The following GPC5 variants were observed in gnomAD, a reference collection of about 807,000 sequenced individuals.
The protein encoded by GPC5 is glypican 5.
In GPC5, 47 loss-of-function variants were observed where a neutral mutation model predicts 53.9. The observed-to-expected ratio is 0.87, with a 90% confidence interval of 0.69 to 1.11. The LOEUF (loss-of-function observed/expected upper bound fraction) is 1.11, where lower values mean the gene tolerates loss of function less well. Among genes scored for constraint, GPC5 ranks in the 50% most tolerant of loss-of-function variants. The pLI, the probability that GPC5 is intolerant of heterozygous loss-of-function variation, is 0.00. For synonymous variants in GPC5, 286 were observed against 263.3 expected, an observed-to-expected ratio of 1.09 and a Z score of -0.84; for missense variants, 748 against 713.1, an observed-to-expected ratio of 1.05 and a Z score of -0.56.
chr13:91,413,488 A>G (rs1877962488), intron 1 of GPC5, among the ~76,000 whole-genome samples: 1 of 152,270 alleles, frequency 6.6e-6, no homozygotes, highest in South Asian at 2.1e-4. Flanking sequence ...GTGAAAATAT[A>G]TACTTTACAA....
In GPC5 at chr13:92,125,924, G is replaced by GTTTTTTT. The variant is rs1190169532; in HGVS notation, c.1402-18863_1402-18857dup. Among the ~76,000 whole-genome samples the GTTTTTTT allele has an allele frequency of 2.6e-4, 20 of 75,860 alleles. 2 individuals are homozygous for GTTTTTTT. The highest frequency in any genetic ancestry group is 1.0e-3 in the African/African-American group (19 of 18,990). 49.8% of individuals were successfully genotyped at this position (75,860 alleles called of 152,430 possible). ...TTAGAAAGGAAACATTTGTTTTTTG[G>GTTTTTTT]TTTTTTTTTTTTTTTTTTTTTTTTT... On this transcript the variant is annotated intron_variant, in intron 6 of 7. Coordinates refer to ENST00000377067, the MANE Select transcript of GPC5 (RefSeq NM_004466.6).
At chr13:91,528,916 C>T (rs146359339) in intron 2 of GPC5, among the ~76,000 whole-genome samples, 70 of 152,290 alleles carry the variant, frequency 4.6e-4, no homozygotes, top group African/African-American at 1.5e-3. Flanking sequence ...ATGAGGACAG[C>T]ACAGGGGAAA....
At chr13:92,554,899 A>AT (rs1272858167) in intron 7 of GPC5, among the ~76,000 whole-genome samples, 8 of 147,066 alleles carry the variant, frequency 5.4e-5, no homozygotes, top group East Asian at 3.9e-4. Context: ...AATTTTGGGT[A>AT]TTTTTTTTAC....
chr13:91,638,609 G>C (rs1463255922), intron 2 of GPC5, among the ~76,000 whole-genome samples: 1 of 152,112 alleles, frequency 6.6e-6, no homozygotes, highest in South Asian at 2.1e-4. Flanking sequence ...CAAGTGATCT[G>C]CCCGCCTCAG....
chr13:91,874,795 T>G (rs1311407625), intron 5 of GPC5, among the ~76,000 whole-genome samples: 1 of 152,220 alleles, frequency 6.6e-6, no homozygotes, highest in Admixed American at 6.5e-5. Context: ...CTGAATGGCC[T>G]TTTTATCTTA....
intron 6 of GPC5, among the ~76,000 whole-genome samples, chr13:92,014,730 A>C (rs1349089992): frequency 6.6e-6 from 1 of 152,182 alleles, no homozygotes; most frequent in African/African-American, 2.4e-5. Flanking sequence ...TAATATATAC[A>C]TTATTGACTC....
intron 7 of GPC5, among the ~76,000 whole-genome samples, chr13:92,609,936 C>A (rs1884376589): frequency 7.0e-6 from 1 of 143,044 alleles, no homozygotes; most frequent in Non-Finnish European, 1.5e-5. Context: ...GAGGCTGAGG[C>A]AGGAGAATAG....
chr13:92,566,543 G>T (rs1882869916), intron 7 of GPC5, among the ~76,000 whole-genome samples: 1 of 152,050 alleles, frequency 6.6e-6, no homozygotes, highest in Admixed American at 6.6e-5. Flanking sequence ...CCTTGAAGAG[G>T]CTAATGGATT....
At chr13:91,798,874 A>C (rs1413672665) in intron 5 of GPC5, among the ~76,000 whole-genome samples, 1 of 152,154 alleles carries the variant, frequency 6.6e-6, no homozygotes, top group Non-Finnish European at 1.5e-5. Flanking sequence ...CCTCGCTAGC[A>C]TCTGTTGTTT....
chr13:92,695,562 A>G (rs1298282724), intron 7 of GPC5, among the ~76,000 whole-genome samples: 1 of 152,034 alleles, frequency 6.6e-6, no homozygotes, highest in East Asian at 1.9e-4. Flanking sequence ...CTATGCCCAG[A>G]AGAAGTGATA....
intron 7 of GPC5, among the ~76,000 whole-genome samples, chr13:92,436,538 A>G (rs1877311912): frequency 6.6e-6 from 1 of 152,120 alleles, no homozygotes; most frequent in Non-Finnish European, 1.5e-5. Context: ...TCTATTTCCC[A>G]GGCTACATGA....
intron 7 of GPC5, among the ~76,000 whole-genome samples, chr13:92,567,403 A>T (rs1026287388): frequency 2.6e-5 from 4 of 152,104 alleles, no homozygotes; most frequent in African/African-American, 7.2e-5. Context: ...GAACAGAATA[A>T]TGCCTCCTCC....
intron 7 of GPC5, among the ~76,000 whole-genome samples, chr13:92,271,893 A>G (rs1421062982): frequency 6.6e-6 from 1 of 152,248 alleles, no homozygotes; most frequent in African/African-American, 2.4e-5. Flanking sequence ...AAATAAATTG[A>G]AAATACAAAA....
chr13:92,527,156 GA>G (rs1158785041), intron 7 of GPC5, among the ~76,000 whole-genome samples: 2 of 108,146 alleles, frequency 1.8e-5, no homozygotes, highest in East Asian at 2.6e-4. Flanking sequence ...AAGAAAGAAA[GA>G]AAGAAAGAAA....
At position 91,722,529 on chromosome 13, in the gene GPC5, C is replaced by G. The variant is rs374843177; in HGVS notation, c.1021-6003C>G. On this transcript the variant is annotated intron_variant, in intron 3 of 7. Transcript: ENST00000377067. ...ATATATAGGAATGCAAAAATAGCAA[C>G]GTGGAATCAAGATTCTTTTCACAGT... 5.9e-5 allele frequency among the ~76,000 whole-genome samples: 9 copies of G among 152,252 alleles called. No individual in the cohort carries two copies. The East Asian group carries it at 1.5e-3, about 26-fold the overall frequency.
intron 7 of GPC5, among the ~76,000 whole-genome samples, chr13:92,550,558 C>T (rs973523103): frequency 6.6e-6 from 1 of 151,524 alleles, no homozygotes; most frequent in African/African-American, 2.4e-5. Context: ...AAATATGTGT[C>T]AAGTAACATA....
intron 7 of GPC5, among the ~76,000 whole-genome samples, chr13:92,540,433 A>G (rs1039325037): frequency 2.6e-5 from 4 of 151,962 alleles, no homozygotes; most frequent in African/African-American, 9.7e-5. Flanking sequence ...AATGTGATAA[A>G]ATATTAGCGT....
At chr13:91,400,595 G>A (rs532113079) in intron 1 of GPC5, among the ~76,000 whole-genome samples, 1 of 152,128 alleles carries the variant, frequency 6.6e-6, no homozygotes, top group African/African-American at 2.4e-5. Flanking sequence ...GAGTTTGTGC[G>A]TGTGGGTGGT....
intron 7 of GPC5, among the ~76,000 whole-genome samples, chr13:92,515,460 G>T (rs1416728521): frequency 6.6e-6 from 1 of 152,098 alleles, no homozygotes; most frequent in Non-Finnish European, 1.5e-5. Flanking sequence ...ACACCAGTAT[G>T]GTATGAAGTT....
Sources: allele counts gnomAD v4.1 joint callset (sites outside exome capture counted in the v4.1 genomes callset), GRCh38; gene constraint gnomAD v4.1.1; transcripts MANE v1.5; gene names NCBI Gene and HGNC (gene_info 2026-07-23, HGNC 2026-07-21).